The following CMIP variants were observed in gnomAD, a reference collection of about 807,000 sequenced individuals.
CMIP encodes C-Maf-inducing protein.
CMIP carries 13 observed loss-of-function variants against 97.3 expected under a neutral mutation model. The ratio of observed to expected loss-of-function variants is 0.13; its 90% CI spans 0.09 to 0.21. The LOEUF (loss-of-function observed/expected upper bound fraction) is 0.21. Ranked by LOEUF, CMIP falls within the 10% of genes least tolerant of loss-of-function variation. The probability of loss-of-function intolerance (pLI) is 1.00; values close to 1 mark genes in which losing one functional copy is unlikely to be tolerated. For missense variants in CMIP, 847 were observed against 1,024.9 expected (o/e 0.83, Z 2.37); for synonymous variants, 538 against 436.3 (o/e 1.23, Z -2.91).
At chr16:81,511,455 C>T (rs1230409880) in intron 1 of CMIP, among the ~76,000 whole-genome samples, 1 of 152,206 alleles carries the variant, frequency 6.6e-6, no homozygotes, top group Non-Finnish European at 1.5e-5. Context: ...GTCATCTGCC[C>T]TGTAGAATTT....
intron 11 of CMIP, 30 bp downstream of exon 11, chr16:81,691,870 C>T (rs1297419152): frequency 4.4e-6 from 7 of 1,592,494 alleles, no homozygotes; most frequent in Non-Finnish European, 5.2e-6. Flanking sequence ...CCGGAGCCCT[C>T]CCACCTGTGA....
chr16:81,651,612 CAG>C (rs2092429681), intron 3 of CMIP, among the ~76,000 whole-genome samples: 1 of 152,234 alleles, frequency 6.6e-6, no homozygotes, highest in Admixed American at 6.5e-5. Context: ...TAGGCGGAAA[CAG>C]TGCCTTCAAC....
chr16:81,661,080 G>A (rs904612100), intron 6 of CMIP, 134 bp downstream of exon 6: 17 of 1,055,680 alleles, frequency 1.6e-5, no homozygotes, highest in Admixed American at 1.0e-4. Flanking sequence ...AGACACAGGC[G>A]GAGAGGGCAT....
chr16:81,666,400 G>A (rs1487138899), intron 7 of CMIP: 1 of 152,166 alleles, frequency 6.6e-6, no homozygotes, highest in Admixed American at 6.5e-5. Context: ...GTTCTTTGAG[G>A]ACATCTGACT....
chr16:81,698,690 C>T (rs534447780), intron 14 of CMIP, among the ~76,000 whole-genome samples: 1 of 152,136 alleles, frequency 6.6e-6, no homozygotes, highest in East Asian at 1.9e-4. Flanking sequence ...GTAACACAAC[C>T]ATCACCACCG....
rs1164896590 is a variant in CMIP, at chr16:81,596,506, CAAAAAAA to C, written c.301-11046_301-11040del. Among the ~76,000 whole-genome samples, 882 of 89,004 alleles carry C rather than the reference CAAAAAAA, an allele frequency of 9.9e-3. 23 individuals are homozygous for C. Among genetic ancestry groups the C allele is most frequent in the East Asian group, 0.078 (280 of 3,612 alleles). The allele number at this position is 89,004 out of a possible 152,430, so 58.4% of individuals were successfully genotyped here. ...TGGGCAACAGAGAAAGGCCCTGTCT[CAAAAAAA>C]AAAAAAAAAAAAAATTTCAATTGGA... On this transcript the variant is annotated intron_variant, in intron 1 of 20. Transcript: ENST00000537098.
At chr16:81,565,786 T>C (rs529427630) in intron 1 of CMIP, among the ~76,000 whole-genome samples, 1 of 152,330 alleles carries the variant, frequency 6.6e-6, no homozygotes, top group African/African-American at 2.4e-5. Flanking sequence ...CACACACTGA[T>C]TGGCTTTCCT....
At chr16:81,688,313 C>G (rs559398708) in intron 10 of CMIP, among the ~76,000 whole-genome samples, 1 of 152,302 alleles carries the variant, frequency 6.6e-6, no homozygotes, top group East Asian at 1.9e-4. Flanking sequence ...CGGTGCTTCC[C>G]GCAGCTGCTC....
intron 6 of CMIP, among the ~76,000 whole-genome samples, chr16:81,661,906 A>G (rs918121279): frequency 1.3e-5 from 2 of 152,048 alleles, no homozygotes; most frequent in African/African-American, 4.8e-5. Flanking sequence ...TGCCCAGGGT[A>G]CCTGTCAGGG....
At chr16:81,516,749 G>T (rs2150798996) in intron 1 of CMIP, among the ~76,000 whole-genome samples, 1 of 152,362 alleles carries the variant, frequency 6.6e-6, no homozygotes, top group Non-Finnish European at 1.5e-5. Flanking sequence ...TGTCTGGGAT[G>T]CCTGGCAATA....
intron 1 of CMIP, among the ~76,000 whole-genome samples, chr16:81,472,178 T>C (rs1907601732): frequency 6.6e-6 from 1 of 152,156 alleles, no homozygotes; most frequent in South Asian, 2.1e-4. Flanking sequence ...ACTTATTGCA[T>C]TTGTGTTTCT....
chr16:81,706,827 G>T (rs1184989465), intron 19 of CMIP, among the ~76,000 whole-genome samples, 187 bp from the exon 20 acceptor site: 1 of 152,158 alleles, frequency 6.6e-6, no homozygotes, highest in Non-Finnish European at 1.5e-5. Flanking sequence ...ACCAGCACGT[G>T]CCTGAAATAG....
At chr16:81,473,502 T>C (rs1907686598) in intron 1 of CMIP, among the ~76,000 whole-genome samples, 1 of 151,606 alleles carries the variant, frequency 6.6e-6, no homozygotes, top group Non-Finnish European at 1.5e-5. Context: ...TTTTTTTTTT[T>C]CCATCCTATG....
At chr16:81,566,535 T>C (rs1429218306) in intron 1 of CMIP, among the ~76,000 whole-genome samples, 2 of 152,222 alleles carry the variant, frequency 1.3e-5, no homozygotes, top group African/African-American at 2.4e-5. Flanking sequence ...TATTACTAGA[T>C]CTCTGTTTCT....
At chr16:81,502,265 C>G (rs2089627255) in intron 1 of CMIP, among the ~76,000 whole-genome samples, 2 of 152,220 alleles carry the variant, frequency 1.3e-5, no homozygotes, top group Non-Finnish European at 2.9e-5. Context: ...GAGGTGACCA[C>G]TTGTCCTGTT....
intron 1 of CMIP, among the ~76,000 whole-genome samples, chr16:81,481,810 C>T (rs991696789): frequency 2.0e-5 from 3 of 151,790 alleles, no homozygotes; most frequent in East Asian, 1.9e-4. Flanking sequence ...TTCCTTCCCT[C>T]GTGGCAGCAT....
At chr16:81,692,260 C>G (rs555787649) in intron 11 of CMIP, among the ~76,000 whole-genome samples, 9 of 152,204 alleles carry the variant, frequency 5.9e-5, no homozygotes, top group East Asian at 1.9e-4. Context: ...CTCGCTGTGC[C>G]GTACTGAGAT....
chr16:81,498,532 C>T (rs576679255), intron 1 of CMIP, among the ~76,000 whole-genome samples: 2 of 152,218 alleles, frequency 1.3e-5, no homozygotes, highest in Non-Finnish European at 2.9e-5. Context: ...CTGCTCCTCG[C>T]GCCTCACTCT....
rs576078365 is a variant in CMIP at position 81,629,453 on chromosome 16, C to G, written c.477+8527C>G. Among the ~76,000 whole-genome samples the G allele has an allele frequency of 2.0e-5, 3 of 152,336 alleles. No homozygotes were observed. In the South Asian group the frequency reaches 6.2e-4, roughly 32 times the overall value. ...GGTGGCTCCTGGCTGGGCCTGTCCC[C>G]TCTAGCCCAGCTCATCCCTTGGTCT... On this transcript the variant is annotated intron_variant, in intron 3 of 20. Transcript: ENST00000537098.
Sources: gnomAD v4.1 joint callset for allele counts (sites outside exome capture counted in the v4.1 genomes callset) on GRCh38, gnomAD v4.1.1 for gene constraint, MANE v1.5 for transcripts, NCBI Gene and HGNC (gene_info 2026-07-23, HGNC 2026-07-21) for gene names.